The following KIF1B variants were observed in gnomAD, a reference collection of about 807,000 sequenced individuals.
KIF1B encodes the protein kinesin-like protein KIF1B.
KIF1B carries 76 observed loss-of-function variants against 241.9 expected under a neutral mutation model. The ratio of observed to expected loss-of-function variants is 0.31; its 90% CI spans 0.26 to 0.38. The LOEUF (loss-of-function observed/expected upper bound fraction) is 0.38, where lower values mean the gene tolerates loss of function less well. KIF1B is among the 10% of genes least tolerant of loss of function. The pLI, the probability that KIF1B is intolerant of heterozygous loss-of-function variation, is 1.00. For missense variants in KIF1B, 1,622 were observed against 2,271.4 expected (o/e 0.71, Z 5.81); for synonymous variants, 750 against 796.7 (o/e 0.94, Z 0.99).
intron 5 of KIF1B, among the ~76,000 whole-genome samples, chr1:10,263,361 C>T (rs1488928024): frequency 6.6e-6 from 1 of 152,034 alleles, no homozygotes; most frequent in Non-Finnish European, 1.5e-5. Context: ...ACCCCCCCAC[C>T]ACACCCTTTT....
In KIF1B at chr1:10,326,914, T is replaced by G. The variant is rs924226442; in HGVS notation, c.2924+555T>G. Among the ~76,000 whole-genome samples, 4 of 152,178 alleles carry G rather than the reference T, an allele frequency of 2.6e-5. No individual in the cohort carries two copies. The highest frequency in any genetic ancestry group is 7.2e-5 in the African/African-American group (3 of 41,434). Reference sequence around the variant, plus strand: ...TAAAAAGAATCAGGAAAGTTAAGCTTCTCCTTTACCTAAAACGGATGCCTG... The same window carrying G: ...TAAAAAGAATCAGGAAAGTTAAGCTGCTCCTTTACCTAAAACGGATGCCTG... On this transcript the variant is annotated intron_variant, in intron 27 of 48. Transcript: ENST00000676179. The surrounding 1 kb of genome is among the most constrained non-coding windows in gnomAD (Gnocchi z 5.2).
At chr1:10,225,896 A>G (rs1268437575) in intron 1 of KIF1B, among the ~76,000 whole-genome samples, 2 of 152,202 alleles carry the variant, frequency 1.3e-5, no homozygotes, top group East Asian at 3.8e-4. Flanking sequence ...CAGTGATAGA[A>G]ATAGATCTGT....
At chr1:10,253,307 G>T (rs1337868818) in intron 2 of KIF1B, among the ~76,000 whole-genome samples, 2 of 152,070 alleles carry the variant, frequency 1.3e-5, no homozygotes, top group Non-Finnish European at 2.9e-5. Flanking sequence ...TAAAATGGGG[G>T]TAATGAAACA....
chr1:10,295,591 A>C (rs1650220791), intron 18 of KIF1B, 69 bp from the exon 19 acceptor site: 1 of 1,350,156 alleles, frequency 7.4e-7, no homozygotes, highest in African/African-American at 1.4e-5. Flanking sequence ...CTTTGGAATA[A>C]AGAGGTTCAT....
rs889470359 is a variant in KIF1B at position 10,305,105 on chromosome 1, T to G, written c.2115+7859T>G. The G allele has an allele frequency of 4.7e-6, 5 of 1,066,494 alleles. No individual in the cohort carries two copies. In the African/African-American group the frequency reaches 8.3e-5, roughly 18 times the overall value. 66.1% of individuals were successfully genotyped at this position (1,066,494 alleles called of 1,614,324 possible). ...AGAAATTGGTTTAAAAATAATAACA[T>G]GCAACTGGGTGGGCACAGCTTTGGA... On this transcript the variant is annotated intron_variant, in intron 22 of 48. Coordinates refer to ENST00000676179, the MANE Select transcript of KIF1B (RefSeq NM_001365951.3).
intron 1 of KIF1B, among the ~76,000 whole-genome samples, chr1:10,212,536 C>G (rs1646706303): frequency 6.6e-6 from 1 of 152,098 alleles, no homozygotes; most frequent in Non-Finnish European, 1.5e-5. Context: ...TGCTTTCATT[C>G]AAGTTCAATT....
In KIF1B at chr1:10,303,490, G is replaced by A; in HGVS notation, c.2115+6244G>A. Reference sequence around the variant, plus strand: ...AGCCCTGGCCATTGTCAAGATGAAGGAGCTTTGTGCCATGTATGGCAAGAA... The same window carrying A: ...AGCCCTGGCCATTGTCAAGATGAAGAAGCTTTGTGCCATGTATGGCAAGAA... On this transcript the variant is annotated intron_variant, in intron 22 of 48. Coordinates refer to ENST00000676179, the MANE Select transcript of KIF1B (RefSeq NM_001365951.3). This position sits in a 1 kb window ranked among gnomAD's most constrained non-coding sequence, Gnocchi z 5.2. The A allele has an allele frequency of 1.2e-6, 2 of 1,614,206 alleles. No homozygotes were observed. The highest frequency in any genetic ancestry group is 1.7e-6 in the Non-Finnish European group (2 of 1,180,050).
chr1:10,219,088 G>A (rs1318901191), intron 1 of KIF1B, among the ~76,000 whole-genome samples: 2 of 152,162 alleles, frequency 1.3e-5, no homozygotes, highest in African/African-American at 2.4e-5. Flanking sequence ...AAGCCTAATA[G>A]TTTGTCGAGA....
At chr1:10,308,730 C>A in intron 22 of KIF1B, 1 of 670,668 alleles carries the variant, frequency 1.5e-6, no homozygotes, top group Non-Finnish European at 1.9e-6. Flanking sequence ...TTTGATATTT[C>A]TATGTGAACT....
chr1:10,348,826 A>T, intron 37 of KIF1B, 93 bp downstream of exon 37: 1 of 901,406 alleles, frequency 1.1e-6, no homozygotes. Context: ...CCCAGGCTGG[A>T]GTACAGTGAT....
chr1:10,305,185 A>G (rs1650766366), intron 22 of KIF1B: 10 of 1,047,724 alleles, frequency 9.5e-6, no homozygotes, highest in Non-Finnish European at 9.2e-6. Flanking sequence ...TTCGTAAGCC[A>G]AAACTAAAGG....
At chr1:10,357,482 T>C (rs1403082115) in intron 38 of KIF1B, among the ~76,000 whole-genome samples, 1 of 152,194 alleles carries the variant, frequency 6.6e-6, no homozygotes, top group African/African-American at 2.4e-5. Context: ...ACACCTGTAA[T>C]ACTAGCACTT....
rs920211952 is a variant in KIF1B, at chr1:10,377,607, T to G, written c.*1020T>G. 4 of 213,084 alleles carry G rather than the reference T, an allele frequency of 1.9e-5. No homozygotes were observed. Among genetic ancestry groups the G allele is most frequent in the African/African-American group, 9.1e-5 (4 of 44,188 alleles). 13.2% of individuals were successfully genotyped at this position (213,084 alleles called of 1,614,324 possible). On this transcript the variant is annotated 3_prime_UTR_variant, in exon 49 of 49. Coordinates refer to ENST00000676179, the MANE Select transcript of KIF1B (RefSeq NM_001365951.3). The stretch of plus-strand genomic sequence containing the variant: ...TCCACAAGGCGGGAGTGTTTCACTT[T>G]CTGGTGATAAACTTGATGGTCATTG...
chr1:10,380,383 CT>C lies in KIF1B; in HGVS notation c.*3800del. On this transcript the variant is annotated 3_prime_UTR_variant, in exon 49 of 49. Coordinates refer to ENST00000676179, the MANE Select transcript of KIF1B (RefSeq NM_001365951.3). Reference sequence around the variant, plus strand: ...GTCTTTCAGTTTTCCTTTCGGTTCCCTTTTAAAAATGTGATTGTTAACCTGC... The same window carrying C: ...GTCTTTCAGTTTTCCTTTCGGTTCCCTTTAAAAATGTGATTGTTAACCTGC... 1 of 197,096 alleles carries C rather than the reference CT, an allele frequency of 5.1e-6. No individual in the cohort carries two copies. Among genetic ancestry groups the C allele is most frequent in the Non-Finnish European group, 1.1e-5 (1 of 94,760 alleles). The allele number at this position is 197,096 out of a possible 1,614,324, so 12.2% of individuals were successfully genotyped here. A position where few individuals can be genotyped will look rare whatever the true frequency, so the allele number is the denominator to read the frequency against.
At position 10,363,157 on chromosome 1, in the gene KIF1B, A is replaced by G. The variant is rs112806221; in HGVS notation, c.4305-126A>G. The G allele has an allele frequency of 3.6e-3, 2,573 of 712,718 alleles. 49 individuals carry two copies. The African/African-American group carries it at 0.041, about 11-fold the overall frequency. The allele number at this position is 712,718 out of a possible 1,614,324, so 44.1% of individuals were successfully genotyped here. A position where few individuals can be genotyped will look rare whatever the true frequency, so the allele number is the denominator to read the frequency against. ...CAAAATAAGAAAAGAGCGGTGACAA[A>G]TAAGAAATGCCTGGAATTATATTTG... On this transcript the variant is annotated intron_variant, in intron 40 of 48. Transcript: ENST00000676179.
intron 10 of KIF1B, among the ~76,000 whole-genome samples, chr1:10,274,156 T>A (rs548985593): frequency 1.7e-4 from 26 of 151,766 alleles, no homozygotes; most frequent in African/African-American, 6.3e-4. Flanking sequence ...CAGGCTGGTC[T>A]CGAACTCCTG....
rs956165446 is a variant in KIF1B at position 10,374,204 on chromosome 1, C to G, written c.4947-112C>G. 1.7e-6 allele frequency: 2 copies of G among 1,157,482 alleles called. No homozygotes were observed. Among genetic ancestry groups the G allele is most frequent in the Admixed American group, 1.7e-5 (1 of 57,976 alleles). The allele number at this position is 1,157,482 out of a possible 1,614,324, so 71.7% of individuals were successfully genotyped here. ...AGCTCTCTGCAACTCAAGTTTGCAG[C>G]TGGGGTTTAGGGAGGGCCATTGTGT... On this transcript the variant is annotated intron_variant, in intron 45 of 48. Transcript: ENST00000676179. This position sits in a 1 kb window ranked among gnomAD's most constrained non-coding sequence, Gnocchi z 4.3.
At chr1:10,236,253 C>G (rs1461433701) in intron 2 of KIF1B, among the ~76,000 whole-genome samples, 1 of 151,048 alleles carries the variant, frequency 6.6e-6, no homozygotes, top group Non-Finnish European at 1.5e-5. Context: ...GCCTGAGTGG[C>G]AGAGCAAGAC....
intron 22 of KIF1B, among the ~76,000 whole-genome samples, chr1:10,300,811 T>G (rs942112979): frequency 1.8e-4 from 28 of 152,326 alleles, no homozygotes; most frequent in African/African-American, 6.5e-4. Context: ...CCATTATGAT[T>G]TTAAAAACTA....
Sources: allele counts gnomAD v4.1 joint callset (sites outside exome capture counted in the v4.1 genomes callset), GRCh38; gene constraint gnomAD v4.1.1; non-coding constraint Gnocchi (gnomAD v3.1); transcripts MANE v1.5; gene names NCBI Gene and HGNC (gene_info 2026-07-23, HGNC 2026-07-21).